Variants in MID1 observed in about 807,000 individuals in gnomAD.
MID1 encodes midline 1, also known as E3 ubiquitin-protein ligase Midline-1.
MID1 carries 7 observed loss-of-function variants against 40.4 expected under a neutral mutation model. The ratio of observed to expected loss-of-function variants is 0.17; its 90% CI spans 0.10 to 0.33. MID1 has a LOEUF of 0.33. Among genes scored for constraint, MID1 ranks in the 10% least tolerant of loss-of-function variants. The probability of loss-of-function intolerance (pLI) is 1.00; values close to 1 mark genes in which losing one functional copy is unlikely to be tolerated. For missense variants in MID1, 367 were observed against 558.5 expected, an observed-to-expected ratio of 0.66 and a Z score of 3.46; for synonymous variants, 229 against 221.2, an observed-to-expected ratio of 1.04 and a Z score of -0.31.
At chrX:10,450,155 G>A (rs1480830249) in intron 9 of MID1, among the ~76,000 whole-genome samples, 1 of 112,507 alleles carries the variant, frequency 8.9e-6, no homozygotes, top group Non-Finnish European at 1.9e-5. Context: ...TGCGGCTGGT[G>A]AGACTGAGGA....
At chrX:10,699,927 A>AT (rs1255064432) in intron 1 of MID1, among the ~76,000 whole-genome samples, 2 of 107,726 alleles carry the variant, frequency 1.9e-5, no homozygotes, top group South Asian at 4.2e-4. Flanking sequence ...GGTTCAAGTG[A>AT]TTTTCCTGCC....
At chrX:10,457,985 CAG>C (rs1478446351) in intron 8 of MID1, among the ~76,000 whole-genome samples, 6 of 112,579 alleles carry the variant, frequency 5.3e-5, no homozygotes, top group African/African-American at 1.9e-4. Context: ...TTATTCCAGT[CAG>C]AGATTTCACA....
intron 1 of MID1, among the ~76,000 whole-genome samples, chrX:10,775,687 A>T (rs945344448): frequency 9.0e-6 from 1 of 111,693 alleles, no homozygotes; most frequent in African/African-American, 3.3e-5. Flanking sequence ...ATTGTAATAA[A>T]TGGGACCCTA....
At chrX:10,543,377 A>C (rs150680740) in intron 2 of MID1, among the ~76,000 whole-genome samples, 209 of 112,334 alleles carry the variant, frequency 1.9e-3, no homozygotes, top group African/African-American at 6.7e-3. Context: ...TAATAGTAAC[A>C]ATGAGAATAG....
At position 10,678,722 on chromosome X, in the gene MID1, G is replaced by A. The variant is rs144558250; in HGVS notation, c.-186-58303C>T. 6.2e-4 allele frequency among the ~76,000 whole-genome samples: 69 copies of A among 111,809 alleles called. 1 individual carries two copies. The East Asian group carries it at 0.018, about 30-fold the overall frequency. ...AAAACCTACCACCCAAAAGAAAAACGGGCAAAGGTTATGAAACAAAAGGAG... is the reference window on the plus strand; with the variant it reads ...AAAACCTACCACCCAAAAGAAAAACAGGCAAAGGTTATGAAACAAAAGGAG... On this transcript the variant is annotated intron_variant, in intron 1 of 10. Transcript: ENST00000380785.
At chrX:10,666,975 T>C (rs2042954996) in intron 1 of MID1, among the ~76,000 whole-genome samples, 1 of 111,849 alleles carries the variant, frequency 8.9e-6, no homozygotes, top group African/African-American at 3.2e-5. Context: ...ATAAGGAATA[T>C]TCTTCTTACA....
intron 4 of MID1, among the ~76,000 whole-genome samples, chrX:10,492,980 G>A (rs760784839): frequency 1.8e-5 from 2 of 112,017 alleles, no homozygotes; most frequent in Admixed American, 1.9e-4. Flanking sequence ...CTGGTGGTGG[G>A]AAGTCCAAGC....
At chrX:10,450,679 GA>G (rs968368324) in intron 9 of MID1, among the ~76,000 whole-genome samples, 5 of 111,452 alleles carry the variant, frequency 4.5e-5, no homozygotes, top group African/African-American at 1.3e-4. Context: ...GATTATACTG[GA>G]AAAAAAATTC....
intron 1 of MID1, among the ~76,000 whole-genome samples, chrX:10,615,887 T>C (rs1357944154): frequency 8.9e-6 from 1 of 112,766 alleles, no homozygotes; most frequent in African/African-American, 3.2e-5. Context: ...CTGCCTTACA[T>C]GTAAACGGAG....
In MID1 at chrX:10,608,272, G is replaced by A. The variant is rs147726837; in HGVS notation, c.-57+12018C>T. Among the ~76,000 whole-genome samples the A allele has an allele frequency of 8.7e-3, 970 of 112,026 alleles. 11 individuals are homozygous for A. The highest frequency in any genetic ancestry group is 0.029 in the African/African-American group (908 of 30,822). On this transcript the variant is annotated intron_variant, in intron 1 of 9. Coordinates refer to ENST00000317552, the MANE Select transcript of MID1 (RefSeq NM_000381.4). ...TCCTGGGCATTTATCCCAGAGAAATGCAAACTTACAGTCATACAAAATCCT... is the reference window on the plus strand; with the variant it reads ...TCCTGGGCATTTATCCCAGAGAAATACAAACTTACAGTCATACAAAATCCT...
intron 1 of MID1, among the ~76,000 whole-genome samples, chrX:10,820,652 A>G (rs997953184): frequency 2.7e-5 from 3 of 111,080 alleles, no homozygotes; most frequent in Non-Finnish European, 5.6e-5. Context: ...AAGCAAGCAG[A>G]TGTTTGCATT....
intron 1 of MID1, among the ~76,000 whole-genome samples, chrX:10,735,063 C>T (rs946550284): frequency 5.4e-5 from 6 of 111,928 alleles, no homozygotes; most frequent in African/African-American, 1.9e-4. Context: ...CTCTTCCCTC[C>T]TATTTTCTAC....
intron 1 of MID1, among the ~76,000 whole-genome samples, chrX:10,594,306 G>A (rs1935371125): frequency 9.0e-6 from 1 of 111,273 alleles, no homozygotes; most frequent in Non-Finnish European, 1.9e-5. Context: ...ATTTTTGTTC[G>A]CTTTGTCCTT....
At chrX:10,762,237 A>G (rs2043684360) in intron 1 of MID1, among the ~76,000 whole-genome samples, 1 of 111,561 alleles carries the variant, frequency 9.0e-6, no homozygotes, top group Non-Finnish European at 1.9e-5. Context: ...ATTTCTTTTA[A>G]TGTTTTGCTC....
At chrX:10,677,443 A>G (rs2043029897) in intron 1 of MID1, 1 of 112,345 alleles carries the variant, frequency 8.9e-6, no homozygotes, top group African/African-American at 3.2e-5. Context: ...TTACCCCTCC[A>G]GTTTTTAAAA....
At chrX:10,762,773 G>A (rs1204770625) in intron 1 of MID1, among the ~76,000 whole-genome samples, 2 of 111,422 alleles carry the variant, frequency 1.8e-5, no homozygotes, top group African/African-American at 3.3e-5. Flanking sequence ...ATCAAGCAGA[G>A]CAGATCACTA....
intron 1 of MID1, among the ~76,000 whole-genome samples, chrX:10,734,045 C>T (rs1196506682): frequency 8.9e-6 from 1 of 111,999 alleles, no homozygotes; most frequent in Admixed American, 9.5e-5. Context: ...TGTATAGTGC[C>T]CAAATGTCCA....
chrX:10,812,945 A>G (rs2044111988), intron 1 of MID1, among the ~76,000 whole-genome samples: 1 of 111,431 alleles, frequency 9.0e-6, no homozygotes, highest in Admixed American at 9.6e-5. Flanking sequence ...GAAAACCCAG[A>G]AACATTTTCA....
chrX:10,648,682 G>A (rs1383831721), intron 1 of MID1, among the ~76,000 whole-genome samples: 1 of 111,600 alleles, frequency 9.0e-6, no homozygotes, highest in African/African-American at 3.3e-5. Context: ...TATATGTCCA[G>A]TAACTCCTGT....
Sources: allele counts gnomAD v4.1 joint callset (sites outside exome capture counted in the v4.1 genomes callset), GRCh38; gene constraint gnomAD v4.1.1; transcripts MANE v1.5; gene names NCBI Gene and HGNC (gene_info 2026-07-23, HGNC 2026-07-21).